CHD1L: variants seen among roughly 807,000 people sequenced by gnomAD.
CHD1L encodes chromodomain helicase DNA binding protein 1 like.
In CHD1L, 118 loss-of-function variants were observed where a neutral mutation model predicts 115.9. That is an observed-to-expected ratio of 1.02 (90% CI 0.88 to 1.19). The LOEUF (loss-of-function observed/expected upper bound fraction) is 1.19, where lower values mean the gene tolerates loss of function less well. Among genes scored for constraint, CHD1L ranks in the 50% most tolerant of loss-of-function variants. The pLI is 0.00. For synonymous variants in CHD1L, 411 were observed against 387.1 expected (o/e 1.06, Z -0.72); for missense variants, 1,179 against 1,065.3 (o/e 1.11, Z -1.49).
At chr1:147,212,730 AT>A in the CHD1L span, among the ~76,000 whole-genome samples, 1 of 151,858 alleles carries the variant, frequency 6.6e-6, no homozygotes, top group African/African-American at 2.4e-5. Context: ...GTACCTTGTG[AT>A]TTCCTTGTCA....
the CHD1L span, among the ~76,000 whole-genome samples, chr1:147,207,496 A>T: frequency 6.6e-6 from 1 of 152,124 alleles, no homozygotes; most frequent in Non-Finnish European, 1.5e-5. Context: ...ATAACACTGT[A>T]TGTATTTCTT....
At chr1:147,281,710 A>G (rs1041678181) in intron 15 of CHD1L, among the ~76,000 whole-genome samples, 2 of 152,022 alleles carry the variant, frequency 1.3e-5, no homozygotes, top group Non-Finnish European at 2.9e-5. Flanking sequence ...TGGCTTCTTA[A>G]TATGTATTCC....
rs1686491627 is a variant in CHD1L, at chr1:147,293,739, G to A, written c.2506+17G>A. On this transcript the variant is annotated intron_variant, in intron 21 of 22. Coordinates refer to ENST00000369258, the MANE Select transcript of CHD1L (RefSeq NM_004284.6). ...AGAAGAAAGGTAAGCTCTTCCACCT[G>A]TGCTCAAGAGTAGATGAATTTGTTT... The A allele has an allele frequency of 6.3e-7, 1 of 1,583,144 alleles. No individual in the cohort carries two copies. Among genetic ancestry groups the A allele is most frequent in the Non-Finnish European group, 8.7e-7 (1 of 1,152,668 alleles).
At chr1:147,273,652 A>G (rs1447981427) in intron 12 of CHD1L, among the ~76,000 whole-genome samples, 1 of 152,198 alleles carries the variant, frequency 6.6e-6, no homozygotes, top group African/African-American at 2.4e-5. Flanking sequence ...TAATGATTTC[A>G]TCATCCTCAT....
At chr1:147,212,411 A>G in the CHD1L span, 10 of 1,614,026 alleles carry the variant, frequency 6.2e-6, no homozygotes, top group Admixed American at 6.7e-5. Context: ...CTGTTTGGCT[A>G]ATCTCTACAG....
the CHD1L span, chr1:147,204,208 G>A: frequency 2.9e-6 from 4 of 1,382,300 alleles, no homozygotes; most frequent in East Asian, 6.9e-5. Context: ...AAGGACAAGA[G>A]TACACTGCTA....
chr1:147,224,031 A>T, the CHD1L span: 5 of 419,078 alleles, frequency 1.2e-5, no homozygotes, highest in African/African-American at 1.0e-4. Flanking sequence ...ATTGCACACG[A>T]TGCGGATCCC....
At chr1:147,253,889 A>G (rs782441629) in intron 2 of CHD1L, among the ~76,000 whole-genome samples, 15 of 152,342 alleles carry the variant, frequency 9.8e-5, no homozygotes, top group African/African-American at 3.4e-4. Flanking sequence ...CTTCACAGTC[A>G]TTATCAACAT....
At chr1:147,204,440 G>T in the CHD1L span, 1 of 1,252,604 alleles carries the variant, frequency 8.0e-7, no homozygotes, top group East Asian at 2.3e-5. Context: ...ACAGAGGTAC[G>T]AAGTAGAGAT....
intron 20 of CHD1L, among the ~76,000 whole-genome samples, chr1:147,291,882 G>A (rs868949045): frequency 1.3e-5 from 2 of 152,030 alleles, no homozygotes; most frequent in African/African-American, 4.8e-5. Context: ...ACTCAGAATG[G>A]ATCAGGCCCC....
chr1:147,226,712 A>G, the CHD1L span, among the ~76,000 whole-genome samples: 21 of 152,200 alleles, frequency 1.4e-4, no homozygotes, highest in Admixed American at 6.5e-4. Flanking sequence ...TCCAATCTGC[A>G]CCTGCTAATC....
chr1:147,287,700 A>G lies in CHD1L; in HGVS notation c.2287A>G (p.Arg763Gly), dbSNP rs375162292. ...TALEKRSAEPRKIYELAGKMK... is the reference protein window; with the variant it reads ...TALEKRSAEPGKIYELAGKMK... ...TCTGGAAAAGCGATCCGCTGAGCCA[A>G]GAAAAATATATGAGCTGGCTGGGAA... The change falls in exon 19 of 23, where the codon AGA becomes GGA. Residue 763 changes from arginine (R) to glycine (G), a missense_variant. Coordinates refer to ENST00000369258, the MANE Select transcript of CHD1L (RefSeq NM_004284.6). The G allele has an allele frequency of 1.4e-5, 22 of 1,613,996 alleles. No homozygotes were observed. Among genetic ancestry groups the G allele is most frequent in the Non-Finnish European group, 1.8e-5 (21 of 1,180,016 alleles).
intron 17 of CHD1L, among the ~76,000 whole-genome samples, chr1:147,285,921 A>G (rs1171686355): frequency 3.3e-5 from 5 of 151,982 alleles, no homozygotes; most frequent in Admixed American, 6.6e-5. Context: ...TGGTCTCAAG[A>G]TCCTAGGCCC....
At chr1:147,232,543 T>C in the CHD1L span, among the ~76,000 whole-genome samples, 1 of 150,970 alleles carries the variant, frequency 6.6e-6, no homozygotes, top group Non-Finnish European at 1.5e-5. Flanking sequence ...CTCCCTGTGA[T>C]GCCGAGCCGA....
chr1:147,199,294 C>G, the CHD1L span, among the ~76,000 whole-genome samples: 1 of 152,044 alleles, frequency 6.6e-6, no homozygotes, highest in Non-Finnish European at 1.5e-5. Context: ...AGGGATAATT[C>G]AGGGAAGAGA....
chr1:147,225,051 G>A, the CHD1L span: 2 of 1,614,034 alleles, frequency 1.2e-6, no homozygotes, highest in Admixed American at 1.7e-5. Flanking sequence ...ATCTTCACCT[G>A]TTAGTGTCGC....
the CHD1L span, among the ~76,000 whole-genome samples, chr1:147,202,060 G>A: frequency 0.093 from 14,091 of 152,180 alleles, 734 homozygotes; most frequent in African/African-American, 0.15. Context: ...ATAAATGAGG[G>A]AATTGAGGCC....
the CHD1L span, chr1:147,204,206 G>C: frequency 7.2e-7 from 1 of 1,380,450 alleles, no homozygotes. Flanking sequence ...AAAAGGACAA[G>C]AGTACACTGC....
the CHD1L span, among the ~76,000 whole-genome samples, chr1:147,229,067 G>A: frequency 6.6e-6 from 1 of 152,150 alleles, no homozygotes; most frequent in Non-Finnish European, 1.5e-5. Flanking sequence ...TGGTGTTTTA[G>A]ACATGAAGTC....
Sources: gnomAD v4.1 joint callset for allele counts (sites outside exome capture counted in the v4.1 genomes callset) on GRCh38, gnomAD v4.1.1 for gene constraint, MANE v1.5 for transcripts, NCBI Gene and HGNC (gene_info 2026-07-23, HGNC 2026-07-21) for gene names.